Variants in MEF2C observed in about 807,000 individuals in gnomAD.
The protein encoded by MEF2C is myocyte enhancer factor 2C, also known as myocyte-specific enhancer factor 2C.
In MEF2C, 6 loss-of-function variants were observed where a neutral mutation model predicts 50.5. The ratio of observed to expected loss-of-function variants is 0.12; its 90% CI spans 0.07 to 0.23. The LOEUF is 0.23. Among genes scored for constraint, MEF2C ranks in the 10% least tolerant of loss-of-function variants. The pLI, the probability that MEF2C is intolerant of heterozygous loss-of-function variation, is 1.00. For missense variants in MEF2C, 276 were observed against 605.0 expected (o/e 0.46, Z 5.70); for synonymous variants, 183 against 228.0 (o/e 0.80, Z 1.78).
At chr5:88,818,407 G>C (rs1478841784) in intron 2 of MEF2C, among the ~76,000 whole-genome samples, 2 of 151,850 alleles carry the variant, frequency 1.3e-5, no homozygotes, top group Non-Finnish European at 2.9e-5. Flanking sequence ...GGTACCATGT[G>C]AAAGAGGGTA....
chr5:88,852,454 G>A (rs1193276223), intron 1 of MEF2C, among the ~76,000 whole-genome samples: 1 of 152,150 alleles, frequency 6.6e-6, no homozygotes, highest in Non-Finnish European at 1.5e-5. Context: ...GATTCTGGTT[G>A]TATTAACCAT....
chr5:88,740,438 G>T, intron 6 of MEF2C: 3 of 985,246 alleles, frequency 3.0e-6, no homozygotes, highest in Non-Finnish European at 3.6e-6. Context: ...TTTCTCATTT[G>T]TCCTAACTGT....
At chr5:88,779,502 C>T (rs1031507202) in intron 3 of MEF2C, among the ~76,000 whole-genome samples, 25 of 151,978 alleles carry the variant, frequency 1.6e-4, no homozygotes, top group African/African-American at 6.0e-4. Context: ...GACACAGGAA[C>T]TTGTGCACAG....
chr5:88,815,981 A>G (rs1180985696), intron 2 of MEF2C, among the ~76,000 whole-genome samples: 2 of 152,132 alleles, frequency 1.3e-5, no homozygotes, highest in Non-Finnish European at 2.9e-5. Flanking sequence ...GAAAGGGGCC[A>G]TTCAGTATCA....
chr5:88,846,527 A>G (rs1391893582), intron 1 of MEF2C, among the ~76,000 whole-genome samples: 2 of 152,242 alleles, frequency 1.3e-5, no homozygotes, highest in African/African-American at 4.8e-5. Flanking sequence ...TGTTAGCATA[A>G]AAGAAAATTA....
At chr5:88,843,418 T>G (rs1300542562) in intron 1 of MEF2C, 2 of 985,158 alleles carry the variant, frequency 2.0e-6, no homozygotes, top group Non-Finnish European at 2.4e-6. Context: ...CAATCTATCT[T>G]TGGAATTCTA....
chr5:88,821,104 A>G lies in MEF2C; in HGVS notation c.54+2631T>C, dbSNP rs895521827. 5.9e-5 allele frequency among the ~76,000 whole-genome samples: 9 copies of G among 152,116 alleles called. 1 individual carries two copies. The highest frequency in any genetic ancestry group is 6.8e-3 in the Middle Eastern group (2 of 294). On this transcript the variant is annotated intron_variant, in intron 2 of 10. Transcript: ENST00000504921. ...TCTGTCTTCAGAATTTAAAAAAATGATAAGTCAAACTAAGCTGAATTTAAA... is the reference window on the plus strand; with the variant it reads ...TCTGTCTTCAGAATTTAAAAAAATGGTAAGTCAAACTAAGCTGAATTTAAA...
chr5:88,828,798 T>A (rs1811923591), intron 1 of MEF2C, among the ~76,000 whole-genome samples: 1 of 152,010 alleles, frequency 6.6e-6, no homozygotes, highest in Admixed American at 6.6e-5. Context: ...TAGGAGCTAT[T>A]CTGAACTTCA....
At chr5:88,875,647 T>C (rs980295456) in intron 1 of MEF2C, among the ~76,000 whole-genome samples, 1 of 152,028 alleles carries the variant, frequency 6.6e-6, no homozygotes, top group African/African-American at 2.4e-5. Context: ...GAATCCACTT[T>C]GCAGTTAATG....
chr5:88,776,546 C>T (rs139607993), intron 3 of MEF2C, among the ~76,000 whole-genome samples: 29 of 152,058 alleles, frequency 1.9e-4, no homozygotes, highest in African/African-American at 6.8e-4. Context: ...CTCCAGTAAC[C>T]GTCATTCTAC....
chr5:88,730,645 G>C lies in MEF2C; in HGVS notation c.811-411C>G, dbSNP rs530520941. On this transcript the variant is annotated intron_variant, in intron 7 of 10. Coordinates refer to ENST00000504921, the MANE Select transcript of MEF2C (RefSeq NM_002397.5). ...GGGACCTGGAATAAATCTGTTGATA[G>C]AGATGGCCTGCCATGCACGGCCCAC... 1.1e-4 allele frequency among the ~76,000 whole-genome samples: 17 copies of C among 152,318 alleles called. No homozygotes were observed. The East Asian group carries it at 3.1e-3, about 28-fold the overall frequency.
intron 3 of MEF2C, among the ~76,000 whole-genome samples, chr5:88,783,330 T>C (rs1197216405): frequency 2.6e-5 from 4 of 152,070 alleles, no homozygotes; most frequent in Non-Finnish European, 5.9e-5. Context: ...GACGATGGGA[T>C]TAAGAAACAG....
intron 2 of MEF2C, among the ~76,000 whole-genome samples, chr5:88,814,660 C>T (rs899177317): frequency 6.6e-6 from 1 of 152,026 alleles, no homozygotes; most frequent in Non-Finnish European, 1.5e-5. Context: ...ACCCCTCACC[C>T]TAAGTCAACA....
At chr5:88,877,948 T>C (rs919399462) in intron 1 of MEF2C, 16 of 152,018 alleles carry the variant, frequency 1.1e-4, no homozygotes, top group African/African-American at 3.9e-4. Context: ...GTACTGCATA[T>C]TTGCTTCAAT....
chr5:88,900,333 A>G (rs578116149), intron 1 of MEF2C, among the ~76,000 whole-genome samples: 6 of 151,994 alleles, frequency 3.9e-5, no homozygotes, highest in Admixed American at 3.9e-4. Flanking sequence ...TATGAACTAT[A>G]TAATGTATTA....
chr5:88,895,884 G>T (rs2150284865), intron 1 of MEF2C, among the ~76,000 whole-genome samples: 1 of 152,246 alleles, frequency 6.6e-6, no homozygotes, highest in African/African-American at 2.4e-5. Context: ...CCATGACACG[G>T]TATCATTGTG....
intron 3 of MEF2C, chr5:88,782,258 A>T (rs934183132): frequency 1.5e-6 from 1 of 686,526 alleles, no homozygotes; most frequent in African/African-American, 2.0e-5. Flanking sequence ...ACTTGAGCCC[A>T]GGAATTCGAA....
intron 6 of MEF2C, chr5:88,737,460 A>C: frequency 8.1e-6 from 8 of 985,456 alleles, no homozygotes; most frequent in Non-Finnish European, 9.6e-6. Context: ...CCTAATGAAA[A>C]TGAAAAGTTG....
At chr5:88,858,427 T>G (rs1306294188) in intron 1 of MEF2C, among the ~76,000 whole-genome samples, 7 of 152,220 alleles carry the variant, frequency 4.6e-5, no homozygotes, top group Non-Finnish European at 1.0e-4. Flanking sequence ...ATTTAGCAAG[T>G]TAATCATGGG....
Sources: gnomAD v4.1 joint callset for allele counts (sites outside exome capture counted in the v4.1 genomes callset) on GRCh38, gnomAD v4.1.1 for gene constraint, MANE v1.5 for transcripts, NCBI Gene and HGNC (gene_info 2026-07-23, HGNC 2026-07-21) for gene names.